PTPRD: variants seen among roughly 807,000 people sequenced by gnomAD.
The protein encoded by PTPRD is protein tyrosine phosphatase receptor type D, also known as receptor-type tyrosine-protein phosphatase delta.
In PTPRD, 34 loss-of-function variants were observed where a neutral mutation model predicts 214.5. The observed-to-expected ratio is 0.16, with a 90% CI of 0.12 to 0.21. The LOEUF (loss-of-function observed/expected upper bound fraction) is 0.21, where lower values mean the gene tolerates loss of function less well. Ranked by LOEUF, PTPRD falls within the 10% of genes least tolerant of loss-of-function variation. The pLI, the probability that PTPRD is intolerant of heterozygous loss-of-function variation, is 1.00. For missense variants in PTPRD, 2,545 were observed against 2,398.7 expected, an observed-to-expected ratio of 1.06 and a Z score of -1.27; for synonymous variants, 1,128 against 845.7, an observed-to-expected ratio of 1.33 and a Z score of -5.79.
chr9:9,796,460 T>C (rs974667515), intron 5 of PTPRD, among the ~76,000 whole-genome samples: 15 of 151,994 alleles, frequency 9.9e-5, no homozygotes, highest in African/African-American at 3.4e-4. Flanking sequence ...AGGAGAAAAT[T>C]GAAAAATAGT....
At chr9:8,530,974 G>C (rs1336720003) in intron 14 of PTPRD, among the ~76,000 whole-genome samples, 2 of 152,094 alleles carry the variant, frequency 1.3e-5, no homozygotes, top group African/African-American at 2.4e-5. Flanking sequence ...AGTTTGATTT[G>C]ACACCTGATT....
intron 11 of PTPRD, chr9:8,797,032 C>A (rs1024074777): frequency 1.3e-5 from 2 of 151,884 alleles, no homozygotes; most frequent in African/African-American, 4.8e-5. Flanking sequence ...AGTCCATTCC[C>A]CAACCATTTG....
chr9:9,704,224 T>C (rs1417583145), intron 7 of PTPRD, among the ~76,000 whole-genome samples: 1 of 152,184 alleles, frequency 6.6e-6, no homozygotes. Context: ...CTATTGTCTG[T>C]GATATTGCCA....
chr9:8,484,140 A>G lies in PTPRD; in HGVS notation c.3392T>C (p.Val1131Ala). The G allele has an allele frequency of 6.2e-7, 1 of 1,614,028 alleles. No individual in the cohort carries two copies. The change falls in exon 30 of 46, where the codon GTA (valine) becomes GCA (alanine). Residue 1131 changes from valine to alanine, a missense_variant. Val to Ala is a moderately conservative substitution (Grantham distance 64, BLOSUM62 0). Transcript: ENST00000381196. ...DGMITVQLPE[V>A]PANENIKGYY... Reference sequence around the variant, plus strand: ...TTACTTTATATTCTCATTTGCAGGTACTTCAGGCAGTTGCACAGTAATCAT... The same window carrying G: ...TTACTTTATATTCTCATTTGCAGGTGCTTCAGGCAGTTGCACAGTAATCAT...
chr9:9,492,167 C>T (rs1404660286), intron 8 of PTPRD, among the ~76,000 whole-genome samples: 1 of 151,576 alleles, frequency 6.6e-6, no homozygotes, highest in African/African-American at 2.4e-5. Flanking sequence ...TTCCTATAAA[C>T]ACAGAACCTC....
intron 14 of PTPRD, among the ~76,000 whole-genome samples, chr9:8,556,714 T>C (rs1047117282): frequency 5.3e-5 from 8 of 152,232 alleles, no homozygotes; most frequent in African/African-American, 1.9e-4. Flanking sequence ...GCTTATTCTG[T>C]CTTAGAATGT....
chr9:10,327,406 C>T (rs2096664136), intron 3 of PTPRD, among the ~76,000 whole-genome samples: 1 of 151,398 alleles, frequency 6.6e-6, no homozygotes, highest in Admixed American at 6.6e-5. Flanking sequence ...TGTGTTTCCA[C>T]ATACTATTAT....
chr9:8,716,657 G>C (rs1479834507), intron 12 of PTPRD, among the ~76,000 whole-genome samples: 1 of 132,058 alleles, frequency 7.6e-6, no homozygotes, highest in Non-Finnish European at 1.5e-5. Flanking sequence ...TATAAACCTA[G>C]ACTTTAAGCT....
At chr9:9,278,038 T>C (rs958042185) in intron 9 of PTPRD, among the ~76,000 whole-genome samples, 5 of 151,412 alleles carry the variant, frequency 3.3e-5, no homozygotes, top group Non-Finnish European at 7.4e-5. Context: ...TGTTAATAAA[T>C]AAGAGTTCTT....
chr9:10,258,093 C>G (rs558487448), intron 3 of PTPRD, among the ~76,000 whole-genome samples: 1 of 152,272 alleles, frequency 6.6e-6, no homozygotes, highest in East Asian at 1.9e-4. Flanking sequence ...TTCTAGCCAT[C>G]CTTCAGCCAA....
In PTPRD at chr9:8,562,674, T is replaced by C. The variant is rs1235815917; in HGVS notation, c.353-33895A>G. Reference sequence around the variant, plus strand: ...CTGGTTTCAAACTCCTGAGCTCAAGTGATCCACCCGCCTCGGCCTCCTAAA... The same window carrying C: ...CTGGTTTCAAACTCCTGAGCTCAAGCGATCCACCCGCCTCGGCCTCCTAAA... On this transcript the variant is annotated intron_variant, in intron 14 of 45. Transcript: ENST00000381196. Among the ~76,000 whole-genome samples, 5 of 152,212 alleles carry C rather than the reference T, an allele frequency of 3.3e-5. No individual in the cohort carries two copies. In the East Asian group the frequency reaches 7.7e-4, roughly 24 times the overall value.
chr9:9,547,464 C>G (rs1443073652), intron 8 of PTPRD, among the ~76,000 whole-genome samples: 1 of 152,016 alleles, frequency 6.6e-6, no homozygotes, highest in Non-Finnish European at 1.5e-5. Context: ...AGCTGCCTAG[C>G]CTGTTGAAAT....
intron 3 of PTPRD, among the ~76,000 whole-genome samples, chr9:10,231,956 T>TAGAG (rs56151511): frequency 3.2e-4 from 35 of 109,070 alleles, no homozygotes; most frequent in African/African-American, 7.0e-4. Flanking sequence ...GGGAATGAAT[T>TAGAG]AGAGAGAGAG....
At chr9:9,638,895 G>C (rs758655710) in intron 7 of PTPRD, among the ~76,000 whole-genome samples, 19 of 152,064 alleles carry the variant, frequency 1.2e-4, no homozygotes, top group African/African-American at 4.3e-4. Context: ...GTAATGCTAT[G>C]TCTTCACAGA....
Position 8,706,363 on chromosome 9 carries a change from G to C in PTPRD, c.64+27417C>G, listed in dbSNP as rs79683853. On this transcript the variant is annotated intron_variant, in intron 12 of 45. Coordinates refer to ENST00000381196, the MANE Select transcript of PTPRD (RefSeq NM_002839.4). ...GACTCGAATATTATTGTAGTTATTG[G>C]ATTAGAGATTCATTTTAAAAAGCAA... 4.5e-3 allele frequency among the ~76,000 whole-genome samples: 682 copies of C among 152,162 alleles called. 2 individuals are homozygous for C. The highest frequency in any genetic ancestry group is 0.024 in the Middle Eastern group (7 of 294).
chr9:9,743,671 A>T (rs561690660), intron 6 of PTPRD, among the ~76,000 whole-genome samples: 1 of 151,056 alleles, frequency 6.6e-6, no homozygotes, highest in Non-Finnish European at 1.5e-5. Context: ...AAGAAATGAA[A>T]ACACTCCTTT....
At chr9:9,730,585 A>T (rs1328612215) in intron 7 of PTPRD, among the ~76,000 whole-genome samples, 1 of 152,142 alleles carries the variant, frequency 6.6e-6, no homozygotes, top group Non-Finnish European at 1.5e-5. Context: ...CTATGTATAA[A>T]CTTTCCTAAG....
intron 39 of PTPRD, among the ~76,000 whole-genome samples, chr9:8,356,815 G>A (rs189203568): frequency 6.6e-6 from 1 of 152,174 alleles, no homozygotes. Context: ...AAATACGTGT[G>A]CATAAAATGA....
chr9:9,899,910 A>C (rs1456010848), intron 5 of PTPRD, among the ~76,000 whole-genome samples: 1 of 152,164 alleles, frequency 6.6e-6, no homozygotes. Flanking sequence ...AAAACCTAGA[A>C]GATACTATGT....
Sources: allele counts gnomAD v4.1 joint callset (sites outside exome capture counted in the v4.1 genomes callset), GRCh38; gene constraint gnomAD v4.1.1; transcripts MANE v1.5; gene names NCBI Gene and HGNC (gene_info 2026-07-23, HGNC 2026-07-21).